The following IL31 variants were observed in gnomAD, a reference collection of about 807,000 sequenced individuals.
The protein encoded by IL31 is interleukin 31, also known as interleukin-31.
Under a neutral mutation model 7.8 loss-of-function variants are expected in IL31, and 8 were observed. That is an observed-to-expected ratio of 1.02 (90% CI 0.60 to 1.84). The LOEUF (loss-of-function observed/expected upper bound fraction) is 1.84. Among genes scored for constraint, IL31 ranks in the 40% most tolerant of loss-of-function variants. The pLI, the probability that IL31 is intolerant of heterozygous loss-of-function variation, is 0.00. For missense variants in IL31, 162 were observed against 205.6 expected (o/e 0.79, Z 1.30); for synonymous variants, 87 against 86.5 (o/e 1.01, Z -0.03).
At chr12:122,173,718 T>C in intron 2 of IL31, 126 bp downstream of exon 2, 3 of 802,340 alleles carry the variant, frequency 3.7e-6, no homozygotes. Flanking sequence ...GCCTGTCTAG[T>C]TTCCCCCATC....
In IL31 at chr12:122,173,901, A is replaced by C; in HGVS notation, c.108T>G (p.Asp36Glu). 6.2e-7 allele frequency: 1 copy of C among 1,614,130 alleles called. No homozygotes were observed. Among genetic ancestry groups the C allele is most frequent in the Non-Finnish European group, 8.5e-7 (1 of 1,180,014 alleles). The change falls in exon 2 of 3, where the codon GAT becomes GAG. Residue 36 changes from aspartate (D) to glutamate (E), a missense_variant. Transcript: ENST00000377035. ...ATTCCTCGACTATTTTCTGTACATCATCACTTGGTCGTAGTAAACGGACGG... is the reference window on the plus strand; with the variant it reads ...ATTCCTCGACTATTTTCTGTACATCCTCACTTGGTCGTAGTAAACGGACGG... ...TLPVRLLRPS[D>E]DVQKIVEELQ...
rs80350322 is a variant in IL31 at position 122,173,369 on chromosome 12, T to C, written c.165+475A>G. ...CCAATTTTATGAATTGTTTCCAAGT[T>C]TGGGCATTTGTTTGTTTGATCAAAG... On this transcript the variant is annotated intron_variant, in intron 2 of 2. Transcript: ENST00000377035. Among the ~76,000 whole-genome samples, 1,189 of 152,254 alleles carry C rather than the reference T, an allele frequency of 7.8e-3. 14 individuals carry two copies. Among genetic ancestry groups the C allele is most frequent in the African/African-American group, 0.027 (1,114 of 41,548 alleles).
In IL31 at chr12:122,172,589, CTCA is replaced by C; in HGVS notation, c.315_317del (p.Asp105del). On this transcript the variant is annotated inframe_deletion, in exon 3 of 3. Coordinates refer to ENST00000377035, the MANE Select transcript of IL31 (RefSeq NM_001014336.2). ...TGAGTTTGTCGAGGTGCTCTATGATCTCATCAATAACAGATTTGTTGTCTAGCT... is the reference window on the plus strand; with the variant it reads ...TGAGTTTGTCGAGGTGCTCTATGATCTCAATAACAGATTTGTTGTCTAGCT... 1 of 1,614,190 alleles carries C rather than the reference CTCA, an allele frequency of 6.2e-7. No individual in the cohort carries two copies. The highest frequency in any genetic ancestry group is 8.5e-7 in the Non-Finnish European group (1 of 1,180,040).
At position 122,173,909 on chromosome 12, in the gene IL31, G is replaced by C; in HGVS notation, c.100C>G (p.Pro34Ala). 6.2e-7 allele frequency: 1 copy of C among 1,614,102 alleles called. No homozygotes were observed. Among genetic ancestry groups the C allele is most frequent in the East Asian group, 2.2e-5 (1 of 44,876 alleles). Residue 34 changes from proline (P) to alanine (A), a missense_variant, in exon 2 of 3, where the codon CCA (proline) becomes GCA (alanine). By Grantham distance (27) the Pro-to-Ala change is conservative. Coordinates refer to ENST00000377035, the MANE Select transcript of IL31 (RefSeq NM_001014336.2). ...ACTATTTTCTGTACATCATCACTTG[G>C]TCGTAGTAAACGGACGGGCAACGTG... ...SHTLPVRLLR[P>A]SDDVQKIVEE...
At chr12:122,173,730 C>A in intron 2 of IL31, 114 bp downstream of exon 2, 2 of 907,694 alleles carry the variant, frequency 2.2e-6, no homozygotes, top group East Asian at 2.4e-5. Context: ...TCCCCCATCC[C>A]TTCCTGGCAT....
intron 2 of IL31, 21 bp downstream of exon 2, chr12:122,173,823 A>G (rs573424180): frequency 2.5e-5 from 40 of 1,607,178 alleles, no homozygotes; most frequent in Non-Finnish European, 3.3e-5. Context: ...CGTTTAGAAA[A>G]GAAATCTCTA....
At chr12:122,173,788 G>T (rs61955583) in intron 2 of IL31, 56 bp downstream of exon 2, 2 of 1,499,544 alleles carry the variant, frequency 1.3e-6, no homozygotes, top group Non-Finnish European at 1.8e-6. Context: ...TCTTTGGAGG[G>T]CAATGGAAGG....
In IL31 at chr12:122,173,837, C is replaced by T. The variant is rs770307057; in HGVS notation, c.165+7G>A. 3.1e-6 allele frequency: 5 copies of T among 1,611,770 alleles called. No individual in the cohort carries two copies. Among genetic ancestry groups the T allele is most frequent in the Non-Finnish European group, 1.7e-6 (2 of 1,178,268 alleles). ...TCGTTTAGAAAAGAAATCTCTAGGA[C>T]ACTCACATCTTTCAAAAGCATCTTC... On this transcript the variant is annotated splice_region_variant and intron_variant, in intron 2 of 2. Coordinates refer to ENST00000377035, the MANE Select transcript of IL31 (RefSeq NM_001014336.2).
intron 1 of IL31, 81 bp from the exon 2 acceptor site, chr12:122,174,073 C>A: frequency 6.2e-7 from 1 of 1,613,692 alleles, no homozygotes; most frequent in Non-Finnish European, 8.5e-7. Flanking sequence ...CCTGCTGAGC[C>A]AACCCTGGGG....
chr12:122,173,770 G>C, intron 2 of IL31, 74 bp downstream of exon 2: 2 of 1,351,848 alleles, frequency 1.5e-6, no homozygotes, highest in Non-Finnish European at 2.1e-6. Flanking sequence ...GGTCCGGAGA[G>C]AGGAGCCTCT....
intron 2 of IL31, 83 bp from the exon 3 acceptor site, chr12:122,172,824 C>T (rs945184693): frequency 3.5e-5 from 37 of 1,057,852 alleles, no homozygotes; most frequent in South Asian, 1.3e-4. Flanking sequence ...ATGCTTCCTC[C>T]GTAACCCGCC....
Position 122,174,119 on chromosome 12 carries a change from G to C in IL31, c.16+38C>G, listed in dbSNP as rs372774549. On this transcript the variant is annotated intron_variant, in intron 1 of 2. Transcript: ENST00000377035. ...CAGAATCTTCCTGGTGAGATAAGAT[G>C]ATGCCCAAGACTCCGGAAGCACCAG... is the stretch of plus-strand genomic sequence containing the variant. 2.5e-6 allele frequency: 4 copies of C among 1,613,968 alleles called. No individual in the cohort carries two copies. The African/African-American group carries it at 5.3e-5, about 22-fold the overall frequency.
Position 122,172,456 on chromosome 12 carries a change from C to G in IL31, c.451G>C (p.Ala151Pro). 1.9e-6 allele frequency: 3 copies of G among 1,614,056 alleles called. No homozygotes were observed. The highest frequency in any genetic ancestry group is 2.5e-6 in the Non-Finnish European group (3 of 1,179,962). The change falls in exon 3 of 3, where the codon GCA becomes CCA. Residue 151 changes from alanine to proline, a missense_variant. Ala to Pro is a conservative substitution (Grantham distance 27, BLOSUM62 -1). Coordinates refer to ENST00000377035, the MANE Select transcript of IL31 (RefSeq NM_001014336.2). Reference protein sequence around the residue: ...SQQFSECMDLALKSLTSGAQQ... With the variant: ...SQQFSECMDLPLKSLTSGAQQ... ...GCTCCAGAGGTCAATGATTTTAGTG[C>G]GAGGTCCATGCACTCTGAAAACTGT... is the stretch of plus-strand genomic sequence containing the variant.
Position 122,173,982 on chromosome 12 carries a change from C to T in IL31, c.27G>A (p.Thr9=), listed in dbSNP as rs758045919. 19 of 1,614,004 alleles carry T rather than the reference C, an allele frequency of 1.2e-5. No individual in the cohort carries two copies. Among genetic ancestry groups the T allele is most frequent in the Admixed American group, 5.0e-5 (3 of 59,982 alleles). Residue 9 remains threonine, a synonymous_variant, in exon 2 of 3, where the codon ACG becomes ACA. Transcript: ENST00000377035. MASHSGPS[T]SVLFLFCCLG... ...GGCAGCAGAACAGAAAGAGCACAGA[C>T]GTCGAGGGGCCTGGAGAGAGAACGA...
At chr12:122,172,807 T>C (rs1359031979) in intron 2 of IL31, 66 bp from the exon 3 acceptor site, 2 of 1,254,364 alleles carry the variant, frequency 1.6e-6, no homozygotes, top group African/African-American at 3.0e-5. Flanking sequence ...TAACAGTGAA[T>C]GTTTGCATGC....
chr12:122,174,024 A>T, intron 1 of IL31, 32 bp from the exon 2 acceptor site: 10 of 1,613,456 alleles, frequency 6.2e-6, no homozygotes, highest in Admixed American at 1.7e-5. Context: ...GAGCGCATAC[A>T]TCACACACCC....
intron 1 of IL31, 48 bp from the exon 2 acceptor site, chr12:122,174,040 C>G: frequency 6.2e-7 from 1 of 1,613,212 alleles, no homozygotes; most frequent in Non-Finnish European, 8.5e-7. Context: ...CACCCCTGCC[C>G]ACCCTGGCTC....
rs1953491817 is a variant in IL31 at position 122,172,263 on chromosome 12, C to T, written c.*149G>A. 1 of 612,288 alleles carries T rather than the reference C, an allele frequency of 1.6e-6. No homozygotes were observed. Among genetic ancestry groups the T allele is most frequent in the African/African-American group, 1.8e-5 (1 of 54,072 alleles). 37.9% of individuals were successfully genotyped at this position (612,288 alleles called of 1,614,324 possible). A position where few individuals can be genotyped will look rare whatever the true frequency, so the allele number is the denominator to read the frequency against. On this transcript the variant is annotated 3_prime_UTR_variant, in exon 3 of 3. Transcript: ENST00000377035. ...GTAATTCACAAATTCACATCTCAGCCCTCCCGGGACTAGCCCATATGAGGG... is the reference window on the plus strand; with the variant it reads ...GTAATTCACAAATTCACATCTCAGCTCTCCCGGGACTAGCCCATATGAGGG...
intron 2 of IL31, among the ~76,000 whole-genome samples, chr12:122,173,303 A>C (rs1953505810): frequency 6.6e-6 from 1 of 152,230 alleles, no homozygotes; most frequent in Non-Finnish European, 1.5e-5. Flanking sequence ...ATAAAAGCCA[A>C]GGCTAAGGTC....
Sources: gnomAD v4.1 joint callset for allele counts (sites outside exome capture counted in the v4.1 genomes callset) on GRCh38, gnomAD v4.1.1 for gene constraint, MANE v1.5 for transcripts, NCBI Gene and HGNC (gene_info 2026-07-23, HGNC 2026-07-21) for gene names.